The following DAB1 variants were observed in gnomAD, a reference collection of about 807,000 sequenced individuals.
DAB1 encodes the protein disabled homolog 1.
In DAB1, 15 loss-of-function variants were observed where a neutral mutation model predicts 64.6. The observed-to-expected ratio is 0.23, with a 90% CI of 0.16 to 0.36. The LOEUF (loss-of-function observed/expected upper bound fraction) is 0.36, where lower values mean the gene tolerates loss of function less well. DAB1 is among the 10% of genes least tolerant of loss of function. DAB1 has a pLI of 1.00. For synonymous variants in DAB1, 235 were observed against 251.9 expected (o/e 0.93, Z 0.64); for missense variants, 596 against 706.7 (o/e 0.84, Z 1.78).
At chr1:58,390,609 C>A (rs1569719596) in intron 3 of DAB1, among the ~76,000 whole-genome samples, 1 of 152,168 alleles carries the variant, frequency 6.6e-6, no homozygotes, top group Non-Finnish European at 1.5e-5. Flanking sequence ...TTGGTGTCCT[C>A]TAGCTTTTTG....
chr1:57,038,584 C>T (rs140573983), intron 9 of DAB1, among the ~76,000 whole-genome samples: 4 of 152,236 alleles, frequency 2.6e-5, no homozygotes, highest in African/African-American at 9.6e-5. Context: ...ATTTGGGCCT[C>T]ACTTTAGCAG....
chr1:57,794,678 G>T (rs1650757093), intron 6 of DAB1, among the ~76,000 whole-genome samples: 2 of 152,062 alleles, frequency 1.3e-5, no homozygotes, highest in Non-Finnish European at 2.9e-5. Context: ...TCAAATTCCA[G>T]CCCCCTAGAC....
chr1:58,151,356 T>A (rs2100733383), intron 4 of DAB1, among the ~76,000 whole-genome samples: 1 of 152,334 alleles, frequency 6.6e-6, no homozygotes, highest in Admixed American at 6.5e-5. Flanking sequence ...CAGCATCTGT[T>A]GTTTCCTGAC....
chr1:57,555,018 T>G (rs944577397), intron 7 of DAB1, among the ~76,000 whole-genome samples: 19 of 144,552 alleles, frequency 1.3e-4, no homozygotes. Context: ...CAATCTTCGG[T>G]ATCTCTATTT....
intron 8 of DAB1, among the ~76,000 whole-genome samples, chr1:57,064,950 C>T (rs1650754337): frequency 6.6e-6 from 1 of 152,164 alleles, no homozygotes; most frequent in Non-Finnish European, 1.5e-5. Context: ...CCAGCCCTCA[C>T]TTTTGTTTTT....
At chr1:57,606,391 T>TATATATATACAC (rs1491526140) in intron 7 of DAB1, among the ~76,000 whole-genome samples, 1 of 126,432 alleles carries the variant, frequency 7.9e-6, no homozygotes, top group African/African-American at 3.0e-5. Context: ...TATATATATA[T>TATATATATACAC]ACACATTATA....
rs547647131 is a variant in DAB1 at position 57,279,796 on chromosome 1, G to A, written c.67+11168C>T. Reference sequence around the variant, plus strand: ...TAGGAAATGTTTCCTTCTCAATCATGTGGAGACTTGTGCATGACAACCTTC... The same window carrying A: ...TAGGAAATGTTTCCTTCTCAATCATATGGAGACTTGTGCATGACAACCTTC... On this transcript the variant is annotated intron_variant, in intron 2 of 14. Coordinates refer to ENST00000371236, the MANE Select transcript of DAB1 (RefSeq NM_001365792.1). Among the ~76,000 whole-genome samples, 107 of 152,336 alleles carry A rather than the reference G, an allele frequency of 7.0e-4. 4 individuals are homozygous for A. In the South Asian group the frequency reaches 0.022, roughly 32 times the overall value.
intron 2 of DAB1, among the ~76,000 whole-genome samples, chr1:57,284,683 A>G (rs1010154310): frequency 1.3e-5 from 2 of 152,294 alleles, no homozygotes; most frequent in Admixed American, 6.5e-5. Context: ...TTCTTAAAAG[A>G]TCATTCTCTC....
chr1:56,997,624 T>C lies in DAB1; in HGVS notation c.*520A>G, dbSNP rs972534031. 2.6e-5 allele frequency: 4 copies of C among 152,076 alleles called. No individual in the cohort carries two copies. The highest frequency in any genetic ancestry group is 5.9e-5 in the Non-Finnish European group (4 of 68,018). 9.4% of individuals were successfully genotyped at this position (152,076 alleles called of 1,614,324 possible). A position where few individuals can be genotyped will look rare whatever the true frequency, so the allele number is the denominator to read the frequency against. On this transcript the variant is annotated 3_prime_UTR_variant, in exon 15 of 15. Transcript: ENST00000371236. ...GCCCCATGGAGTGACAAAAAACACA[T>C]CATCCTATGTGAAAAGGCATATGGA...
At chr1:58,355,643 G>A (rs887579115) in intron 3 of DAB1, among the ~76,000 whole-genome samples, 3 of 152,108 alleles carry the variant, frequency 2.0e-5, no homozygotes, top group African/African-American at 4.8e-5. Context: ...GAGACTTGTA[G>A]GTGAGAGAAG....
intron 3 of DAB1, among the ~76,000 whole-genome samples, chr1:58,490,003 A>AGAAAAACT (rs1264084835): frequency 2.6e-5 from 4 of 152,262 alleles, no homozygotes; most frequent in African/African-American, 9.6e-5. Context: ...AAAACAGAGC[A>AGAAAAACT]GAAAAACTGA....
intron 4 of DAB1, among the ~76,000 whole-genome samples, chr1:58,319,339 C>T (rs943406613): frequency 5.9e-5 from 9 of 152,204 alleles, no homozygotes; most frequent in African/African-American, 1.9e-4. Flanking sequence ...TTCATTTTCA[C>T]ATTCCTTTTG....
chr1:57,904,643 A>G (rs1644524529), intron 5 of DAB1, among the ~76,000 whole-genome samples: 1 of 152,198 alleles, frequency 6.6e-6, no homozygotes, highest in Non-Finnish European at 1.5e-5. Context: ...AAAAATAGGA[A>G]GAAACTAGTC....
intron 3 of DAB1, among the ~76,000 whole-genome samples, chr1:58,438,524 G>A (rs1390245508): frequency 2.0e-5 from 3 of 152,310 alleles, no homozygotes; most frequent in South Asian, 2.1e-4. Flanking sequence ...AGCATGCTGG[G>A]CACTATTTGT....
chr1:58,413,642 G>C (rs770029518), intron 3 of DAB1, among the ~76,000 whole-genome samples: 8 of 152,178 alleles, frequency 5.3e-5, no homozygotes, highest in Non-Finnish European at 8.8e-5. Context: ...CGTTGAGTGA[G>C]AATGCCATGC....
intron 7 of DAB1, among the ~76,000 whole-genome samples, chr1:57,486,892 A>G (rs2101260513): frequency 6.6e-6 from 1 of 152,156 alleles, no homozygotes; most frequent in East Asian, 1.9e-4. Context: ...AAAAGAAGAC[A>G]GGTCAAAACA....
chr1:58,308,557 A>G lies in DAB1; in HGVS notation n.309+34795T>C, dbSNP rs572562309. Among the ~76,000 whole-genome samples, 13 of 152,216 alleles carry G rather than the reference A, an allele frequency of 8.5e-5. 1 individual carries two copies. The Middle Eastern group carries it at 0.01, about 119-fold the overall frequency. On this transcript the variant is annotated intron_variant and non_coding_transcript_variant, in intron 4 of 20. Coordinates refer to the DAB1 transcript ENST00000485760. ...AGTAAGTCCTCAGCTCCCAGAATGC[A>G]TGTGAGTCTCAAGCAGAAAGGGTTT...
At chr1:57,628,300 T>C (rs749742065) in intron 7 of DAB1, among the ~76,000 whole-genome samples, 3 of 152,210 alleles carry the variant, frequency 2.0e-5, no homozygotes, top group Non-Finnish European at 4.4e-5. Flanking sequence ...GTGTTAGCAA[T>C]TAATTTTAGA....
chr1:58,226,711 AAT>A (rs1419352603), intron 4 of DAB1, among the ~76,000 whole-genome samples: 1 of 152,234 alleles, frequency 6.6e-6, no homozygotes, highest in Non-Finnish European at 1.5e-5. Context: ...TCTTTTGTAT[AAT>A]CCTTAGGAGG....
Sources: allele counts gnomAD v4.1 joint callset (sites outside exome capture counted in the v4.1 genomes callset), GRCh38; gene constraint gnomAD v4.1.1; transcripts MANE v1.5; gene names NCBI Gene and HGNC (gene_info 2026-07-23, HGNC 2026-07-21).